The following LPP variants were observed in gnomAD, a reference collection of about 807,000 sequenced individuals.
LPP encodes lipoma-preferred partner.
LPP carries 38 observed loss-of-function variants against 60.4 expected under a neutral mutation model. The observed-to-expected ratio is 0.63, with a 90% confidence interval of 0.49 to 0.83. The LOEUF (loss-of-function observed/expected upper bound fraction) is 0.83, where lower values mean the gene tolerates loss of function less well. Ranked by LOEUF, LPP falls within the 40% of genes least tolerant of loss-of-function variation. LPP has a pLI of 0.00. For missense variants in LPP, 902 were observed against 783.6 expected, an observed-to-expected ratio of 1.15 and a Z score of -1.80; for synonymous variants, 328 against 290.8, an observed-to-expected ratio of 1.13 and a Z score of -1.30.
chr3:188,859,089 TAAAAAAAAAAAAA>T (rs35722501), intron 9 of LPP, among the ~76,000 whole-genome samples: 1 of 103,940 alleles, frequency 9.6e-6, no homozygotes, highest in African/African-American at 3.9e-5. Context: ...ACTCTGTCTT[TAAAAAAAAAAAAA>T]AAAAAAAAAA....
chr3:188,243,584 G>A (rs1725764079), intron 2 of LPP, among the ~76,000 whole-genome samples: 1 of 152,104 alleles, frequency 6.6e-6, no homozygotes, highest in African/African-American at 2.4e-5. Context: ...CAATACACAG[G>A]CTAATTGATG....
chr3:188,737,783 T>G (rs1267352000), intron 8 of LPP, among the ~76,000 whole-genome samples: 1 of 152,154 alleles, frequency 6.6e-6, no homozygotes, highest in African/African-American at 2.4e-5. Context: ...CTGTAGATTC[T>G]TTAGTCCACC....
chr3:188,607,918 C>G (rs1842842534), intron 6 of LPP, among the ~76,000 whole-genome samples: 1 of 152,058 alleles, frequency 6.6e-6, no homozygotes. Flanking sequence ...ACTTAAATGT[C>G]TGTAGCAATC....
intron 2 of LPP, among the ~76,000 whole-genome samples, chr3:188,274,820 C>T (rs6793337): frequency 0.27 from 40,382 of 152,058 alleles, 6,904 homozygotes; most frequent in African/African-American, 0.5. Flanking sequence ...TGAGACTGAC[C>T]CTTGTCACTG....
chr3:188,719,196 C>T (rs1715320846), intron 8 of LPP, among the ~76,000 whole-genome samples: 2 of 152,066 alleles, frequency 1.3e-5, no homozygotes, highest in African/African-American at 4.8e-5. Flanking sequence ...ACATTTCCTC[C>T]ACCTGTAGGT....
intron 9 of LPP, among the ~76,000 whole-genome samples, chr3:188,796,414 A>G (rs1275167489): frequency 6.6e-6 from 1 of 152,186 alleles, no homozygotes; most frequent in East Asian, 1.9e-4. Flanking sequence ...AGGAAAGCCT[A>G]GCCATTTTAT....
intron 5 of LPP, among the ~76,000 whole-genome samples, chr3:188,485,796 C>CAAAAAA (rs766522013): frequency 0.022 from 902 of 40,100 alleles, 135 homozygotes; most frequent in African/African-American, 0.089. Context: ...GACTCCGTCT[C>CAAAAAA]AAAAAAAAAA....
chr3:188,240,558 G>A (rs907688782), intron 2 of LPP, among the ~76,000 whole-genome samples: 4 of 152,256 alleles, frequency 2.6e-5, no homozygotes, highest in East Asian at 1.9e-4. Flanking sequence ...GTAGTTGAGA[G>A]CTTTATTCAA....
In LPP at chr3:188,357,513, T is replaced by C. The variant is rs571912439; in HGVS notation, c.-10+15794T>C. On this transcript the variant is annotated intron_variant, in intron 3 of 11. Transcript: ENST00000617246. ...CAGTTGCATGCCAAGTCAGGAATAT[T>C]CTTTTTTTAAGTCACATGTCAGCCA... Among the ~76,000 whole-genome samples, 246 of 152,320 alleles carry C rather than the reference T, an allele frequency of 1.6e-3. 2 individuals are homozygous for C. Among genetic ancestry groups the C allele is most frequent in the African/African-American group, 5.8e-3 (240 of 41,564 alleles).
intron 3 of LPP, among the ~76,000 whole-genome samples, chr3:188,353,236 C>T (rs535670021): frequency 1.4e-4 from 21 of 152,124 alleles, no homozygotes; most frequent in Non-Finnish European, 2.9e-4. Context: ...ACTTTTTATT[C>T]TTGCCCTACC....
At chr3:188,855,451 C>G (rs1763616697) in intron 9 of LPP, among the ~76,000 whole-genome samples, 1 of 152,090 alleles carries the variant, frequency 6.6e-6, no homozygotes, top group South Asian at 2.1e-4. Context: ...ATGAAGAAAG[C>G]AACAGGATAA....
rs1230147149 is a variant in LPP at position 188,610,308 on chromosome 3, T to G, written c.1113+464T>G. On this transcript the variant is annotated intron_variant, in intron 7 of 11. Coordinates refer to ENST00000617246, the MANE Select transcript of LPP (RefSeq NM_001375462.1). The surrounding 1 kb of genome is among the most constrained non-coding windows in gnomAD (Gnocchi z 4.4). ...GAGACATGTGGAGGGCAAAACTGAG[T>G]GAACTGCTGTCAGGCTGTGGCCCTG... Among the ~76,000 whole-genome samples, 2 of 152,112 alleles carry G rather than the reference T, an allele frequency of 1.3e-5. No homozygotes were observed. Among genetic ancestry groups the G allele is most frequent in the Admixed American group, 6.6e-5 (1 of 15,256 alleles).
chr3:188,430,599 T>C lies in LPP; in HGVS notation c.193+24286T>C, dbSNP rs914965580. ...CCTGTGTGATTTGTTATACCATGTG[T>C]TTGTTTAGAATGTAAATAATGTGCA... On this transcript the variant is annotated intron_variant, in intron 4 of 11. Transcript: ENST00000617246. Among the ~76,000 whole-genome samples the C allele has an allele frequency of 9.8e-5, 15 of 152,300 alleles. No individual in the cohort carries two copies. In the East Asian group the frequency reaches 1.2e-3, roughly 12 times the overall value.
chr3:188,509,894 T>A (rs1272967262), intron 5 of LPP, among the ~76,000 whole-genome samples: 2 of 104,126 alleles, frequency 1.9e-5, no homozygotes, highest in Non-Finnish European at 2.0e-5. Context: ...TTTTTTTGCA[T>A]CTTTAGTAGA....
chr3:188,466,839 A>ATATATATATG (rs1156671514), intron 4 of LPP, among the ~76,000 whole-genome samples: 1 of 138,928 alleles, frequency 7.2e-6, no homozygotes, highest in Non-Finnish European at 1.6e-5. Context: ...ATATATATAT[A>ATATATATATG]TATGCTGTGT....
At chr3:188,389,775 C>CAA (rs56304365) in intron 3 of LPP, among the ~76,000 whole-genome samples, 10,658 of 85,210 alleles carry the variant, frequency 0.13, 2,244 homozygotes, top group African/African-American at 0.32. Context: ...GACTCCGTCT[C>CAA]AAAAAAAAAA....
At chr3:188,542,189 C>T (rs866704422) in intron 6 of LPP, among the ~76,000 whole-genome samples, 1 of 152,154 alleles carries the variant, frequency 6.6e-6, no homozygotes, top group Non-Finnish European at 1.5e-5. Flanking sequence ...CTCTCTGAAC[C>T]TCATTTTCTT....
intron 5 of LPP, among the ~76,000 whole-genome samples, chr3:188,520,208 G>A (rs764641851): frequency 2.0e-5 from 3 of 152,124 alleles, no homozygotes; most frequent in Admixed American, 1.3e-4. Context: ...TAACATGTTC[G>A]AATGGTTTAT....
In LPP at chr3:188,871,620, G is replaced by A. The variant is rs376010733; in HGVS notation, c.1590-1023G>A. Reference sequence around the variant, plus strand: ...TACAAATAGATAAATTTTTAACATCGTTTATCTTAAAACCAGTACCATGAA... The same window carrying A: ...TACAAATAGATAAATTTTTAACATCATTTATCTTAAAACCAGTACCATGAA... On this transcript the variant is annotated intron_variant, in intron 10 of 11. Coordinates refer to ENST00000617246, the MANE Select transcript of LPP (RefSeq NM_001375462.1). 1.3e-4 allele frequency among the ~76,000 whole-genome samples: 20 copies of A among 152,064 alleles called. No homozygotes were observed. The East Asian group carries it at 2.5e-3, about 19-fold the overall frequency.
Sources: allele counts gnomAD v4.1 joint callset (sites outside exome capture counted in the v4.1 genomes callset), GRCh38; gene constraint gnomAD v4.1.1; non-coding constraint Gnocchi (gnomAD v3.1); transcripts MANE v1.5; gene names NCBI Gene and HGNC (gene_info 2026-07-23, HGNC 2026-07-21).